RPS6KC1: variants seen among roughly 807,000 people sequenced by gnomAD.
The protein encoded by RPS6KC1 is inactive ribosomal protein S6 kinase delta-1.
RPS6KC1 carries 54 observed loss-of-function variants against 103.8 expected under a neutral mutation model. That is an observed-to-expected ratio of 0.52 (90% CI 0.42 to 0.65). RPS6KC1 has a LOEUF of 0.65. Among genes scored for constraint, RPS6KC1 ranks in the 30% least tolerant of loss-of-function variants. RPS6KC1 has a pLI of 0.00. For missense variants in RPS6KC1, 1,151 were observed against 1,253.8 expected (o/e 0.92, Z 1.24); for synonymous variants, 439 against 438.7 (o/e 1.00, Z -0.01).
chr1:213,199,466 C>T (rs1466066439), intron 8 of RPS6KC1, among the ~76,000 whole-genome samples: 2 of 152,170 alleles, frequency 1.3e-5, no homozygotes, highest in African/African-American at 4.8e-5. Flanking sequence ...GCTAAAAACT[C>T]TCAATAAACT....
chr1:213,719,986 T>C, the RPS6KC1 span, among the ~76,000 whole-genome samples: 7 of 152,044 alleles, frequency 4.6e-5, no homozygotes, highest in East Asian at 1.4e-3. Flanking sequence ...CCCTTTCCTT[T>C]CTGCCTGCTC....
the RPS6KC1 span, among the ~76,000 whole-genome samples, chr1:213,525,007 G>C: frequency 6.6e-6 from 1 of 152,186 alleles, no homozygotes; most frequent in Non-Finnish European, 1.5e-5. Flanking sequence ...ATCCTACAGA[G>C]TCGTTAGGAA....
the RPS6KC1 span, among the ~76,000 whole-genome samples, chr1:213,767,761 T>G: frequency 6.6e-6 from 1 of 152,324 alleles, no homozygotes; most frequent in African/African-American, 2.4e-5. Context: ...ACTCTGAGTC[T>G]CTGAGAAGGT....
At chr1:213,354,856 G>T in the RPS6KC1 span, among the ~76,000 whole-genome samples, 1 of 152,180 alleles carries the variant, frequency 6.6e-6, no homozygotes, top group Non-Finnish European at 1.5e-5. Flanking sequence ...TTGCCACATT[G>T]GGGATTAAAT....
the RPS6KC1 span, among the ~76,000 whole-genome samples, chr1:213,415,081 G>A: frequency 2.0e-5 from 3 of 152,200 alleles, no homozygotes; most frequent in Non-Finnish European, 2.9e-5. Context: ...GTCATCCAGT[G>A]ATCAATTAAC....
chr1:213,664,378 A>G, the RPS6KC1 span, among the ~76,000 whole-genome samples: 4 of 152,154 alleles, frequency 2.6e-5, no homozygotes, highest in Admixed American at 6.5e-5. Flanking sequence ...GTCCTTGTAA[A>G]CACAGGCCCT....
chr1:213,232,276 GT>G, intron 10 of RPS6KC1, 21 bp downstream of exon 10: 1 of 1,613,654 alleles, frequency 6.2e-7, no homozygotes, highest in Non-Finnish European at 8.5e-7. Flanking sequence ...AGTTTGGATT[GT>G]TTATGCAGTG....
intron 3 of RPS6KC1, among the ~76,000 whole-genome samples, chr1:213,088,582 C>A (rs375794015): frequency 2.3e-4 from 35 of 152,210 alleles, no homozygotes; most frequent in African/African-American, 8.2e-4. Context: ...GTCTCGAACT[C>A]CTGAGCACAA....
chr1:213,418,190 T>C, the RPS6KC1 span, among the ~76,000 whole-genome samples: 1 of 152,168 alleles, frequency 6.6e-6, no homozygotes, highest in African/African-American at 2.4e-5. Context: ...CAACCTTAAA[T>C]AGGCATAAAG....
At chr1:213,055,266 A>G (rs1446258209) in intron 1 of RPS6KC1, among the ~76,000 whole-genome samples, 2 of 151,676 alleles carry the variant, frequency 1.3e-5, no homozygotes, top group Non-Finnish European at 2.9e-5. Context: ...GCTTTCTGTC[A>G]CTATAGATTG....
At chr1:213,501,688 T>C in the RPS6KC1 span, among the ~76,000 whole-genome samples, 1 of 149,800 alleles carries the variant, frequency 6.7e-6, no homozygotes, top group Non-Finnish European at 1.5e-5. Flanking sequence ...TGAGCGAAGA[T>C]TGCACCACTG....
chr1:213,719,763 C>A, the RPS6KC1 span, among the ~76,000 whole-genome samples: 1 of 151,972 alleles, frequency 6.6e-6, no homozygotes, highest in Non-Finnish European at 1.5e-5. Context: ...GGCAAGGGTG[C>A]CCAGGTGTCA....
chr1:213,577,850 G>A, the RPS6KC1 span, among the ~76,000 whole-genome samples: 1 of 152,254 alleles, frequency 6.6e-6, no homozygotes. Context: ...TGAAAGTTTG[G>A]AAAATTTGCA....
At chr1:213,423,873 C>T in the RPS6KC1 span, among the ~76,000 whole-genome samples, 1 of 152,142 alleles carries the variant, frequency 6.6e-6, no homozygotes, top group East Asian at 1.9e-4. Context: ...GAGATTAGCG[C>T]GATGTGAGCA....
the RPS6KC1 span, among the ~76,000 whole-genome samples, chr1:213,501,809 T>C: frequency 6.6e-6 from 1 of 152,194 alleles, no homozygotes; most frequent in East Asian, 1.9e-4. Flanking sequence ...ATACATTTAT[T>C]AATTAGCAAT....
chr1:213,414,213 C>G, the RPS6KC1 span, among the ~76,000 whole-genome samples: 3 of 152,190 alleles, frequency 2.0e-5, no homozygotes, highest in African/African-American at 7.2e-5. Flanking sequence ...ATTTACTCTT[C>G]TTGTTATGAT....
At chr1:213,412,360 A>T in the RPS6KC1 span, among the ~76,000 whole-genome samples, 1 of 152,202 alleles carries the variant, frequency 6.6e-6, no homozygotes, top group Non-Finnish European at 1.5e-5. Flanking sequence ...CTTTTGTGCC[A>T]TTTCTTTGAT....
At chr1:213,362,406 C>T in the RPS6KC1 span, among the ~76,000 whole-genome samples, 69 of 152,232 alleles carry the variant, frequency 4.5e-4, no homozygotes, top group Non-Finnish European at 3.5e-4. Context: ...GTGCTTTACC[C>T]GATTTACTCT....
At chr1:213,427,032 C>G in the RPS6KC1 span, among the ~76,000 whole-genome samples, 1 of 152,202 alleles carries the variant, frequency 6.6e-6, no homozygotes, top group Non-Finnish European at 1.5e-5. Context: ...GTCATCTGGT[C>G]TTGCTAAATG....
Sources: allele counts gnomAD v4.1 joint callset (sites outside exome capture counted in the v4.1 genomes callset), GRCh38; gene constraint gnomAD v4.1.1; transcripts MANE v1.5; gene names NCBI Gene and HGNC (gene_info 2026-07-23, HGNC 2026-07-21).